The following SIRT1 variants were observed in gnomAD, a reference collection of about 807,000 sequenced individuals.
SIRT1 encodes the protein sirtuin 1, also known as NAD-dependent protein deacetylase sirtuin-1.
A neutral mutation model predicts 67.9 loss-of-function variants in SIRT1; 24 were observed. The observed-to-expected ratio is 0.35, with a 90% confidence interval of 0.26 to 0.50. The LOEUF (loss-of-function observed/expected upper bound fraction) is 0.50, where lower values mean the gene tolerates loss of function less well. SIRT1 is among the 20% of genes least tolerant of loss of function. SIRT1 has a pLI of 0.98. For missense variants in SIRT1, 873 were observed against 937.2 expected (o/e 0.93, Z 0.89); for synonymous variants, 378 against 350.7 (o/e 1.08, Z -0.87).
intron 4 of SIRT1, among the ~76,000 whole-genome samples, chr10:67,901,641 G>T (rs1406940988): frequency 5.9e-5 from 9 of 152,204 alleles, no homozygotes; most frequent in Non-Finnish European, 1.3e-4. Context: ...AATTAAAAGT[G>T]CTTATGTTAT....
chr10:67,915,350 A>G (rs1011802368), intron 8 of SIRT1, among the ~76,000 whole-genome samples: 3 of 152,240 alleles, frequency 2.0e-5, no homozygotes, highest in Non-Finnish European at 4.4e-5. Flanking sequence ...TCAAGGATAG[A>G]AAACTTTTCC....
intron 7 of SIRT1, among the ~76,000 whole-genome samples, chr10:67,911,773 T>TCCCA (rs1842903046): frequency 7.6e-6 from 1 of 132,156 alleles, no homozygotes; most frequent in African/African-American, 3.0e-5. Flanking sequence ...CCTTCCTTCC[T>TCCCA]CCCACCCTCC....
chr10:67,909,562 A>G (rs1842868862), intron 7 of SIRT1, 120 bp downstream of exon 7: 1 of 829,214 alleles, frequency 1.2e-6, no homozygotes, highest in South Asian at 2.6e-5. Flanking sequence ...TGAAGAGCTA[A>G]TTTTAGAAAT....
At position 67,895,733 on chromosome 10, in the gene SIRT1, G is replaced by GTTTTTTTTTT. The variant is rs1297235964; in HGVS notation, c.942+4184_942+4193dup. 5.6e-4 allele frequency among the ~76,000 whole-genome samples: 24 copies of GTTTTTTTTTT among 42,738 alleles called. 5 individuals are homozygous for GTTTTTTTTTT. The highest frequency in any genetic ancestry group is 1.6e-3 in the East Asian group (2 of 1,236). 28.0% of individuals were successfully genotyped at this position (42,738 alleles called of 152,430 possible). A position where few individuals can be genotyped will look rare whatever the true frequency, so the allele number is the denominator to read the frequency against. On this transcript the variant is annotated intron_variant, in intron 4 of 8. Coordinates refer to ENST00000212015, the MANE Select transcript of SIRT1 (RefSeq NM_012238.5). ...GTATGTGATTATTGAGAATTAACTTGTTTTTTTTTTTTTTGTTTTTTTTTT... is the reference window on the plus strand; with the variant it reads ...GTATGTGATTATTGAGAATTAACTTGTTTTTTTTTTTTTTTTTTTTTTTTGTTTTTTTTTT...
Position 67,908,576 on chromosome 10 carries a change from A to C in SIRT1, c.1170+451A>C, listed in dbSNP as rs1253588347. On this transcript the variant is annotated intron_variant, in intron 6 of 8. Coordinates refer to ENST00000212015, the MANE Select transcript of SIRT1 (RefSeq NM_012238.5). ...TGCTTAGCAATATATGGAGGTAATC[A>C]TGTCATTACGAAAGAGGAAGAATAG... Among the ~76,000 whole-genome samples, 3 of 152,332 alleles carry C rather than the reference A, an allele frequency of 2.0e-5. No individual in the cohort carries two copies. In the East Asian group the frequency reaches 5.8e-4, roughly 29 times the overall value.
In SIRT1 at chr10:67,891,468, G is replaced by A; in HGVS notation, c.856G>A (p.Asp286Asn). 1 of 1,614,118 alleles carries A rather than the reference G, an allele frequency of 6.2e-7. No individual in the cohort carries two copies. The highest frequency in any genetic ancestry group is 8.5e-7 in the Non-Finnish European group (1 of 1,179,988). The change falls in exon 4 of 9, where the codon GAC becomes AAC. Residue 286 changes from aspartate to asparagine, a missense_variant. Around this residue, in one of 3 missense-constraint regions of SIRT1, gnomAD observed 251 missense variants for 358.8 expected, o/e 0.70. Coordinates refer to ENST00000212015, the MANE Select transcript of SIRT1 (RefSeq NM_012238.5). ...TGGTATTTATGCTCGCCTTGCTGTA[G>A]ACTTCCCAGATCTTCCAGATCCTCA... ...RDGIYARLAV[D>N]FPDLPDPQAM...
At chr10:67,891,976 T>C (rs1417766869) in intron 4 of SIRT1, among the ~76,000 whole-genome samples, 1 of 152,204 alleles carries the variant, frequency 6.6e-6, no homozygotes, top group Non-Finnish European at 1.5e-5. Context: ...AATTAGAGAA[T>C]GGGAAGATTC....
At chr10:67,909,906 C>A (rs760752031) in intron 7 of SIRT1, among the ~76,000 whole-genome samples, 1 of 151,254 alleles carries the variant, frequency 6.6e-6, no homozygotes, top group Non-Finnish European at 1.5e-5. Context: ...GAGATGAGGT[C>A]TTGTTGTGTT....
Position 67,884,994 on chromosome 10 carries a change from G to C in SIRT1, c.273G>C (p.Glu91Asp), listed in dbSNP as rs1378803687. ...AEAAAAGGEQ[E>D]AQATAAAGEG... The stretch of plus-strand genomic sequence containing the variant: ...CGGCGGCGGCAGGCGGGGAGCAAGA[G>C]GCCCAGGCGACTGCGGCGGCTGGGG... The change falls in exon 1 of 9, where the codon GAG (glutamate) becomes GAC (aspartate). Residue 91 changes from glutamate (E) to aspartate (D), a missense_variant. Around this residue, in one of 3 missense-constraint regions of SIRT1, gnomAD observed 327 missense variants for 283.9 expected, o/e 1.15. Coordinates refer to ENST00000212015, the MANE Select transcript of SIRT1 (RefSeq NM_012238.5). 1.6e-6 allele frequency: 2 copies of C among 1,285,258 alleles called. No homozygotes were observed. The highest frequency in any genetic ancestry group is 2.0e-6 in the Non-Finnish European group (2 of 1,010,804). The allele number at this position is 1,285,258 out of a possible 1,614,324, so 79.6% of individuals were successfully genotyped here. A position where few individuals can be genotyped will look rare whatever the true frequency, so the allele number is the denominator to read the frequency against.
At chr10:67,893,491 A>T (rs1842605389) in intron 4 of SIRT1, among the ~76,000 whole-genome samples, 1 of 151,266 alleles carries the variant, frequency 6.6e-6, no homozygotes, top group Non-Finnish European at 1.5e-5. Flanking sequence ...TAATCGTTAG[A>T]AGTTGTGAAT....
intron 4 of SIRT1, among the ~76,000 whole-genome samples, chr10:67,893,559 T>TTTTG (rs1842606717): frequency 6.7e-6 from 1 of 149,460 alleles, no homozygotes; most frequent in African/African-American, 2.5e-5. Context: ...TTTTTTTTTT[T>TTTTG]GGAGACGGAG....
At chr10:67,891,340 GCTAGCTAGTTC>G (rs1406153360) in intron 3 of SIRT1, 51 bp from the exon 4 acceptor site, 3 of 1,465,934 alleles carry the variant, frequency 2.0e-6, no homozygotes, top group Non-Finnish European at 2.8e-6. Flanking sequence ...TGGTAAGAGA[GCTAGCTAGTTC>G]CTATAAAGGT....
At chr10:67,896,151 T>G (rs1842654650) in intron 4 of SIRT1, among the ~76,000 whole-genome samples, 1 of 152,128 alleles carries the variant, frequency 6.6e-6, no homozygotes. Context: ...TTGGGCTGGA[T>G]TTTTCTTTTT....
chr10:67,913,892 C>G (rs1842937853), intron 8 of SIRT1, among the ~76,000 whole-genome samples: 2 of 152,112 alleles, frequency 1.3e-5, no homozygotes, highest in South Asian at 2.1e-4. Flanking sequence ...TTGAATAAAC[C>G]TTTGGCCTTT....
intron 1 of SIRT1, among the ~76,000 whole-genome samples, chr10:67,885,937 GTTTC>G (rs1217875337): frequency 7.7e-6 from 1 of 130,084 alleles, no homozygotes; most frequent in East Asian, 2.9e-4. Flanking sequence ...GTTCTTGAAG[GTTTC>G]TTTTTTTTTT....
chr10:67,896,733 G>C (rs1842663779), intron 4 of SIRT1, among the ~76,000 whole-genome samples: 1 of 126,324 alleles, frequency 7.9e-6, no homozygotes, highest in South Asian at 2.6e-4. Flanking sequence ...CTGTACTCCA[G>C]CCTGGGTGAC....
chr10:67,898,581 A>G (rs1842694919), intron 4 of SIRT1, among the ~76,000 whole-genome samples: 1 of 152,246 alleles, frequency 6.6e-6, no homozygotes, highest in Non-Finnish European at 1.5e-5. Flanking sequence ...AGTGCCATTC[A>G]TCTGAAAATA....
At chr10:67,914,137 T>C (rs1157509501) in intron 8 of SIRT1, among the ~76,000 whole-genome samples, 1 of 139,212 alleles carries the variant, frequency 7.2e-6, no homozygotes, top group Non-Finnish European at 1.5e-5. Context: ...AGTGGCACGA[T>C]CTCAGCTCAC....
At chr10:67,911,010 G>A (rs553807791) in intron 7 of SIRT1, among the ~76,000 whole-genome samples, 10 of 152,280 alleles carry the variant, frequency 6.6e-5, no homozygotes, top group Admixed American at 1.3e-4. Context: ...CTTCAATTTT[G>A]TGTCTATCCC....
Sources: allele counts gnomAD v4.1 joint callset (sites outside exome capture counted in the v4.1 genomes callset), GRCh38; gene constraint gnomAD v4.1.1; regional missense constraint gnomAD v4.1.1; transcripts MANE v1.5; gene names NCBI Gene and HGNC (gene_info 2026-07-23, HGNC 2026-07-21).